Variants in TEX11 observed in about 807,000 individuals in gnomAD.
TEX11 encodes the protein testis-expressed protein 11.
Under a neutral mutation model 84.4 loss-of-function variants are expected in TEX11, and 7 were observed. The ratio of observed to expected loss-of-function variants is 0.08; its 90% confidence interval spans 0.05 to 0.16. The LOEUF (loss-of-function observed/expected upper bound fraction) is 0.16. Among genes scored for constraint, TEX11 ranks in the 10% least tolerant of loss-of-function variants. TEX11 has a pLI of 1.00. For synonymous variants in TEX11, 264 were observed against 222.8 expected (o/e 1.18, Z -1.64); for missense variants, 551 against 660.5 (o/e 0.83, Z 1.82).
chrX:70,875,544 G>C (rs1416035310), intron 3 of TEX11, among the ~76,000 whole-genome samples: 2 of 104,421 alleles, frequency 1.9e-5, no homozygotes, highest in African/African-American at 7.0e-5. Flanking sequence ...TTCGAGACCA[G>C]CCTGGCCAAC....
At chrX:70,756,978 A>G (rs1189156514) in intron 9 of TEX11, among the ~76,000 whole-genome samples, 1 of 112,384 alleles carries the variant, frequency 8.9e-6, no homozygotes, top group Non-Finnish European at 1.9e-5. Context: ...CACATGCACA[A>G]GCTTTGATAG....
chrX:70,636,813 G>A (rs2089580711), intron 17 of TEX11, among the ~76,000 whole-genome samples: 1 of 111,963 alleles, frequency 8.9e-6, no homozygotes, highest in Non-Finnish European at 1.9e-5. Context: ...GCTAATCCAG[G>A]AACAAGGCCA....
rs2089809589 is a variant in TEX11, at chrX:70,651,431, T to C, written c.1483+19A>G. On this transcript the variant is annotated intron_variant, in intron 17 of 29. Coordinates refer to ENST00000374333, the MANE Select transcript of TEX11 (RefSeq NM_031276.3). ...CTTTGTGTTAATAGTCAAATATAAG[T>C]GACAAATAAAATTTATACCTCTTTC... 9.2e-7 allele frequency: 1 copy of C among 1,082,286 alleles called. No homozygotes were observed. 89.2% of individuals were successfully genotyped at this position (1,082,286 alleles called of 1,213,427 possible).
At chrX:70,856,730 A>T (rs2091538663) in intron 5 of TEX11, among the ~76,000 whole-genome samples, 1 of 111,351 alleles carries the variant, frequency 9.0e-6, no homozygotes, top group African/African-American at 3.3e-5. Context: ...TACAGAAAAT[A>T]AGGGTTAAAG....
At chrX:70,822,091 T>C (rs897714057) in intron 8 of TEX11, among the ~76,000 whole-genome samples, 9 of 111,485 alleles carry the variant, frequency 8.1e-5, no homozygotes, top group African/African-American at 2.9e-4. Flanking sequence ...ATACAATGAA[T>C]ATGCTATGTA....
In TEX11 at chrX:70,704,039, T is replaced by C. The variant is rs1300042746; in HGVS notation, c.1004+18579A>G. Among the ~76,000 whole-genome samples, 3 of 110,725 alleles carry C rather than the reference T, an allele frequency of 2.7e-5. No homozygotes were observed. In the Admixed American group the frequency reaches 2.9e-4, roughly 11 times the overall value. On this transcript the variant is annotated intron_variant, in intron 13 of 29. Transcript: ENST00000374333. ...CATCCCTTTGGTGCTATTCTCATGA[T>C]GGAGTTCTCACGAGATCTGGTCATT...
intron 4 of TEX11, among the ~76,000 whole-genome samples, chrX:70,869,119 A>C (rs975070279): frequency 9.2e-6 from 1 of 108,367 alleles, no homozygotes; most frequent in Non-Finnish European, 1.9e-5. Context: ...AAATAAAACA[A>C]AATAAAATAA....
At chrX:70,901,890 A>C (rs1165175944) in intron 2 of TEX11, among the ~76,000 whole-genome samples, 1 of 112,777 alleles carries the variant, frequency 8.9e-6, no homozygotes, top group Non-Finnish European at 1.9e-5. Flanking sequence ...AGGCAACTGT[A>C]ACACAATGAT....
intron 9 of TEX11, among the ~76,000 whole-genome samples, chrX:70,762,548 T>C (rs1321784475): frequency 2.7e-5 from 3 of 110,532 alleles, no homozygotes; most frequent in Non-Finnish European, 3.8e-5. Flanking sequence ...ACGAACCCTA[T>C]TGTGAACTGC....
Position 70,607,013 on chromosome X carries a change from C to A in TEX11, c.1896G>T (p.Val632=). Residue 632 remains valine (V), a synonymous_variant, in exon 23 of 30, where the codon GTG becomes GTT. Transcript: ENST00000374333. ...WFRKTAWNLA[V]QCDKDPVMMR... is the part of the protein sequence containing the mutation. ...TCATCACTGGATCTTTGTCACATTG[C>A]ACAGCCAAGTTCCAAGCTGGAAATT... 1 of 1,194,510 alleles carries A rather than the reference C, an allele frequency of 8.4e-7. No homozygotes were observed. The highest frequency in any genetic ancestry group is 3.0e-5 in the East Asian group (1 of 33,620).
chrX:70,558,137 A>ATT (rs2088314008), intron 25 of TEX11, among the ~76,000 whole-genome samples: 3 of 111,148 alleles, frequency 2.7e-5, no homozygotes, highest in Non-Finnish European at 5.6e-5. Flanking sequence ...ACAGAGCAAG[A>ATT]CTCAGTCTCA....
chrX:70,751,318 T>C (rs2090822695), intron 9 of TEX11, among the ~76,000 whole-genome samples: 1 of 106,412 alleles, frequency 9.4e-6, no homozygotes, highest in Non-Finnish European at 1.9e-5. Flanking sequence ...AAACGATGAG[T>C]TCATGTCCTT....
At chrX:70,818,933 G>A (rs780498367) in intron 8 of TEX11, among the ~76,000 whole-genome samples, 25 of 111,060 alleles carry the variant, frequency 2.3e-4, no homozygotes, top group Non-Finnish European at 4.3e-4. Flanking sequence ...CAAATAAAGA[G>A]ATTGAATCAA....
Position 70,529,087 on chromosome X carries a change from G to C in TEX11, c.*8C>G. The C allele has an allele frequency of 8.3e-7, 1 of 1,198,489 alleles. No homozygotes were observed. The highest frequency in any genetic ancestry group is 1.1e-6 in the Non-Finnish European group (1 of 884,169). ...CAATGTATCTTCTTCATGTGGCCAT[G>C]AGCTTGCCTAATCTGACTTGCTCCA... On this transcript the variant is annotated 3_prime_UTR_variant, in exon 30 of 30. Coordinates refer to ENST00000374333, the MANE Select transcript of TEX11 (RefSeq NM_031276.3).
At chrX:70,567,480 C>T (rs1184605334) in intron 25 of TEX11, among the ~76,000 whole-genome samples, 3 of 110,776 alleles carry the variant, frequency 2.7e-5, no homozygotes, top group Non-Finnish European at 3.8e-5. Flanking sequence ...TTTTCTAGTT[C>T]TTTTAATTGT....
At chrX:70,655,096 G>C (rs1211345923) in intron 16 of TEX11, among the ~76,000 whole-genome samples, 1 of 110,283 alleles carries the variant, frequency 9.1e-6, no homozygotes, top group Non-Finnish European at 1.9e-5. Context: ...TGTATAAGTA[G>C]TATGGCCTAA....
rs1327332832 is a variant in TEX11, at chrX:70,827,790, C to T, written c.606+5723G>A. 3.6e-5 allele frequency among the ~76,000 whole-genome samples: 4 copies of T among 111,907 alleles called. No homozygotes were observed. In the East Asian group the frequency reaches 1.1e-3, roughly 32 times the overall value. ...CTCCCAGAGAGCATCTTTGGACACACCTGGGTTGTGGGGGAACTCACCATC... is the reference window on the plus strand; with the variant it reads ...CTCCCAGAGAGCATCTTTGGACACATCTGGGTTGTGGGGGAACTCACCATC... On this transcript the variant is annotated intron_variant, in intron 8 of 29. Transcript: ENST00000374333.
intron 5 of TEX11, among the ~76,000 whole-genome samples, chrX:70,854,752 T>G (rs1293403940): frequency 9.3e-6 from 1 of 107,336 alleles, no homozygotes; most frequent in Non-Finnish European, 1.9e-5. Flanking sequence ...AAAAAAAGCA[T>G]ATGTTATTTT....
intron 28 of TEX11, among the ~76,000 whole-genome samples, chrX:70,546,327 C>T (rs1054622285): frequency 8.9e-6 from 1 of 111,817 alleles, no homozygotes; most frequent in African/African-American, 3.2e-5. Flanking sequence ...TCTTTGTAAA[C>T]GTGGGTTGGG....
Sources: allele counts gnomAD v4.1 joint callset (sites outside exome capture counted in the v4.1 genomes callset), GRCh38; gene constraint gnomAD v4.1.1; transcripts MANE v1.5; gene names NCBI Gene and HGNC (gene_info 2026-07-23, HGNC 2026-07-21).